PSMD1: variants seen among roughly 807,000 people sequenced by gnomAD.
PSMD1 encodes the protein 26S proteasome non-ATPase regulatory subunit 1.
PSMD1 carries 18 observed loss-of-function variants against 119.0 expected under a neutral mutation model. That is an observed-to-expected ratio of 0.15 (90% confidence interval 0.10 to 0.22). The LOEUF is 0.22. Among genes scored for constraint, PSMD1 ranks in the 10% least tolerant of loss-of-function variants. The pLI, the probability that PSMD1 is intolerant of heterozygous loss-of-function variation, is 1.00. For missense variants in PSMD1, 702 were observed against 1,158.5 expected, an observed-to-expected ratio of 0.61 and a Z score of 5.72; for synonymous variants, 374 against 396.6, an observed-to-expected ratio of 0.94 and a Z score of 0.68.
chr2:231,109,022 T>C (rs995404346), intron 16 of PSMD1: 2 of 1,614,134 alleles, frequency 1.2e-6, no homozygotes, highest in African/African-American at 1.3e-5. Context: ...GGAAATGGTC[T>C]GCACTGACTT....
At position 231,162,837 on chromosome 2, in the gene PSMD1, A is replaced by G. The variant is rs573298267; in HGVS notation, c.2389-798A>G. The stretch of plus-strand genomic sequence containing the variant: ...GTGAAACTCTGTCTCAAAAAAAAAA[A>G]AAAGAAAGAAAGAAAGAAAGGAAGC... On this transcript the variant is annotated intron_variant, in intron 20 of 24. Coordinates refer to ENST00000308696, the MANE Select transcript of PSMD1 (RefSeq NM_002807.4). 1.1e-4 allele frequency among the ~76,000 whole-genome samples: 16 copies of G among 151,224 alleles called. No homozygotes were observed. The East Asian group carries it at 2.1e-3, about 20-fold the overall frequency.
At chr2:231,145,641 C>G (rs989889363) in intron 17 of PSMD1, among the ~76,000 whole-genome samples, 1 of 151,954 alleles carries the variant, frequency 6.6e-6, no homozygotes, top group Non-Finnish European at 1.5e-5. Flanking sequence ...CGCCTATAAT[C>G]GCAGCACTTT....
chr2:231,108,385 ATACT>A (rs1695027104), intron 16 of PSMD1: 4 of 688,222 alleles, frequency 5.8e-6, no homozygotes, highest in Admixed American at 2.6e-5. Flanking sequence ...GATATTCTTA[ATACT>A]TACATCTTAG....
chr2:231,113,748 C>T, intron 16 of PSMD1: 1 of 1,613,980 alleles, frequency 6.2e-7, no homozygotes. Context: ...TTAACCACAC[C>T]ACTGTAATCT....
chr2:231,105,238 T>C (rs1694949513), intron 16 of PSMD1, among the ~76,000 whole-genome samples: 1 of 152,222 alleles, frequency 6.6e-6, no homozygotes, highest in African/African-American at 2.4e-5. Flanking sequence ...TGATAACTAT[T>C]CTTGCTTAAT....
Position 231,085,045 on chromosome 2 carries a change from G to A in PSMD1, c.1749G>A (p.Met583Ile). The change falls in exon 15 of 25, where the codon ATG becomes ATA. Residue 583 changes from methionine (M) to isoleucine (I), a missense_variant. Met to Ile is a conservative substitution (Grantham distance 10, BLOSUM62 1). This residue lies in a region of PSMD1 where 272 missense variants were observed against 511.6 expected (regional missense o/e 0.53). Coordinates refer to ENST00000308696, the MANE Select transcript of PSMD1 (RefSeq NM_002807.4). ...DKDPILRRSGMYTVAMAYCGS... is the reference protein window; with the variant it reads ...DKDPILRRSGIYTVAMAYCGS... Reference sequence around the variant, plus strand: ...ACCCAATTCTTCGAAGGTCTGGAATGTATACTGTAGCCATGGCTTATTGTG... The same window carrying A: ...ACCCAATTCTTCGAAGGTCTGGAATATATACTGTAGCCATGGCTTATTGTG... The A allele has an allele frequency of 6.2e-7, 1 of 1,613,882 alleles. No homozygotes were observed. Among genetic ancestry groups the A allele is most frequent in the Admixed American group, 1.7e-5 (1 of 60,022 alleles).
At chr2:231,087,580 T>G (rs1160235944) in intron 16 of PSMD1, among the ~76,000 whole-genome samples, 3 of 152,224 alleles carry the variant, frequency 2.0e-5, no homozygotes, top group Non-Finnish European at 4.4e-5. Context: ...TAGGTTTTGT[T>G]TAAATGCCAG....
At chr2:231,105,659 C>T (rs1182449098) in intron 16 of PSMD1, among the ~76,000 whole-genome samples, 4 of 152,100 alleles carry the variant, frequency 2.6e-5, no homozygotes, top group East Asian at 1.9e-4. Context: ...CTTTTAGATA[C>T]GGATCTTGCA....
intron 16 of PSMD1, among the ~76,000 whole-genome samples, chr2:231,116,585 C>T (rs1695342094): frequency 6.6e-6 from 1 of 151,846 alleles, no homozygotes. Context: ...ATAAAAAGTA[C>T]GTGTCTTTGG....
At position 231,058,520 on chromosome 2, in the gene PSMD1, CTT is replaced by C. The variant is rs35559920; in HGVS notation, c.16+1493_16+1494del. Among the ~76,000 whole-genome samples, 844 of 142,606 alleles carry C rather than the reference CTT, an allele frequency of 5.9e-3. 7 individuals are homozygous for C. Among genetic ancestry groups the C allele is most frequent in the African/African-American group, 0.019 (755 of 38,776 alleles). The allele number at this position is 142,606 out of a possible 152,430, so 93.6% of individuals were successfully genotyped here. On this transcript the variant is annotated intron_variant, in intron 1 of 24. Transcript: ENST00000308696. ...GACATCGTGAAAATTATATACAAACCTTTTTTTTTTTTTTTAAGCTCATTAGC... is the reference window on the plus strand; with the variant it reads ...GACATCGTGAAAATTATATACAAACCTTTTTTTTTTTTTAAGCTCATTAGC...
intron 16 of PSMD1, among the ~76,000 whole-genome samples, chr2:231,132,471 C>T (rs1179764504): frequency 1.3e-5 from 2 of 152,084 alleles, no homozygotes; most frequent in South Asian, 2.1e-4. Flanking sequence ...TAATATTCAG[C>T]TTGTTTTATA....
At chr2:231,093,408 T>A (rs113565953) in intron 16 of PSMD1, among the ~76,000 whole-genome samples, 78 of 152,246 alleles carry the variant, frequency 5.1e-4, no homozygotes, top group African/African-American at 1.7e-3. Context: ...CCGGGGCTTG[T>A]GTCATCCTAG....
At chr2:231,123,755 A>G in intron 16 of PSMD1, 1 of 1,613,404 alleles carries the variant, frequency 6.2e-7, no homozygotes, top group Non-Finnish European at 8.5e-7. Context: ...ACTCTGTAAG[A>G]GAGAGCCATT....
intron 16 of PSMD1, among the ~76,000 whole-genome samples, chr2:231,128,692 T>A (rs996225203): frequency 1.4e-4 from 21 of 152,224 alleles, no homozygotes; most frequent in African/African-American, 4.8e-4. Context: ...TCTGTGTTGC[T>A]TCCTCTGGCA....
intron 16 of PSMD1, among the ~76,000 whole-genome samples, chr2:231,121,201 G>C (rs1235935797): frequency 6.6e-6 from 1 of 151,902 alleles, no homozygotes; most frequent in Non-Finnish European, 1.5e-5. Flanking sequence ...AAAGTGTTTG[G>C]GGCTATAAAA....
At chr2:231,141,796 G>C (rs1696123994) in intron 17 of PSMD1, among the ~76,000 whole-genome samples, 1 of 152,208 alleles carries the variant, frequency 6.6e-6, no homozygotes, top group South Asian at 2.1e-4. Context: ...ATCATTAAAG[G>C]ATGTGATGGT....
chr2:231,108,456 A>G, intron 16 of PSMD1: 1 of 1,210,388 alleles, frequency 8.3e-7, no homozygotes, highest in East Asian at 2.3e-5. Context: ...TATTCTTGGC[A>G]CATTTACATC....
intron 16 of PSMD1, among the ~76,000 whole-genome samples, chr2:231,094,398 G>A (rs1453201761): frequency 2.6e-5 from 4 of 152,268 alleles, no homozygotes; most frequent in Middle Eastern, 3.4e-3. Flanking sequence ...CAATATGTGT[G>A]ATTAGAAATA....
chr2:231,101,489 G>T (rs781662180), intron 16 of PSMD1, among the ~76,000 whole-genome samples: 3 of 152,186 alleles, frequency 2.0e-5, no homozygotes, highest in Non-Finnish European at 4.4e-5. Flanking sequence ...TTACAACAAA[G>T]AATTGGGAAT....
Sources: allele counts gnomAD v4.1 joint callset (sites outside exome capture counted in the v4.1 genomes callset), GRCh38; gene constraint gnomAD v4.1.1; regional missense constraint gnomAD v4.1.1; transcripts MANE v1.5; gene names NCBI Gene and HGNC (gene_info 2026-07-23, HGNC 2026-07-21).